Variants in EEF1A2 observed in about 807,000 individuals in gnomAD.
EEF1A2 encodes eukaryotic translation elongation factor 1 alpha 2.
A neutral mutation model predicts 39.3 loss-of-function variants in EEF1A2; 5 were observed. The observed-to-expected ratio is 0.13, with a 90% CI of 0.07 to 0.27. The LOEUF (loss-of-function observed/expected upper bound fraction) is 0.27. Among genes scored for constraint, EEF1A2 ranks in the 10% least tolerant of loss-of-function variants. EEF1A2 has a pLI of 1.00. For missense variants in EEF1A2, 218 were observed against 681.4 expected, an observed-to-expected ratio of 0.32 and a Z score of 7.57; for synonymous variants, 287 against 293.7, an observed-to-expected ratio of 0.98 and a Z score of 0.23.
Position 63,494,883 on chromosome 20 carries a change from G to A in EEF1A2, c.543C>T (p.Ile181=), listed in dbSNP as rs1057115359. ...AGGGCACGGTGGCCGGGTTGTAGCC[G>A]ATCTTCTTGATGTAGGCGCTGACTT... ...VKEVSAYIKK[I]GYNPATVPFV... is the part of the protein sequence containing the mutation. The change falls in exon 4 of 8, where the codon ATC becomes ATT. Residue 181 remains isoleucine, a synonymous_variant. Transcript: ENST00000217182. 1.8e-5 allele frequency: 29 copies of A among 1,612,622 alleles called. No homozygotes were observed. Among genetic ancestry groups the A allele is most frequent in the East Asian group, 4.5e-5 (2 of 44,880 alleles).
chr20:63,496,056 G>C (rs778762665), intron 2 of EEF1A2, 21 bp from the exon 3 acceptor site: 23 of 1,611,268 alleles, frequency 1.4e-5, no homozygotes, highest in Non-Finnish European at 1.8e-5. Flanking sequence ...TGAGGGTCAC[G>C]GCTGAGGGCG....
rs531285670 is a variant in EEF1A2, at chr20:63,494,659, G to C, written c.621+146C>G. On this transcript the variant is annotated intron_variant, in intron 4 of 7. Coordinates refer to ENST00000217182, the MANE Select transcript of EEF1A2 (RefSeq NM_001958.5). ...GGGCTCCCCGCCGGGCCCTGAGCCA[G>C]TTAGGGAAACCCAGCAGGTTTCGAG... 3,309 of 1,201,960 alleles carry C rather than the reference G, an allele frequency of 2.8e-3. 8 individuals carry two copies. Among genetic ancestry groups the C allele is most frequent in the South Asian group, 3.4e-3 (218 of 64,124 alleles). 74.5% of individuals were successfully genotyped at this position (1,201,960 alleles called of 1,614,324 possible). A position where few individuals can be genotyped will look rare whatever the true frequency, so the allele number is the denominator to read the frequency against.
Position 63,493,134 on chromosome 20 carries a change from C to T in EEF1A2, c.772+3G>A. ...GGAGCTCCAGCACAGCGCCCTTGCT[C>T]ACCGCCAATCTTGTACACGTCCTGC... On this transcript the variant is annotated splice_donor_region_variant and intron_variant, in intron 5 of 7. Transcript: ENST00000217182. 6.5e-7 allele frequency: 1 copy of T among 1,547,200 alleles called. No homozygotes were observed. Among genetic ancestry groups the T allele is most frequent in the African/African-American group, 1.4e-5 (1 of 72,996 alleles).
intron 5 of EEF1A2, among the ~76,000 whole-genome samples, chr20:63,491,640 G>A (rs1312242325): frequency 1.3e-5 from 2 of 151,890 alleles, no homozygotes; most frequent in Non-Finnish European, 2.9e-5. Flanking sequence ...ATGGATGGAC[G>A]GATGGATGGG....
intron 5 of EEF1A2, among the ~76,000 whole-genome samples, chr20:63,492,222 A>G (rs2082387175): frequency 1.5e-5 from 2 of 136,326 alleles, no homozygotes; most frequent in Non-Finnish European, 3.3e-5. Flanking sequence ...AAATGGATGG[A>G]TGGAAGGATG....
At chr20:63,495,148 G>A (rs1219630878) in intron 3 of EEF1A2, 47 bp from the exon 4 acceptor site, 5 of 1,585,740 alleles carry the variant, frequency 3.2e-6, no homozygotes, top group Non-Finnish European at 4.3e-6. Context: ...TGCCTGGCAG[G>A]GGACAGAGCG....
rs756386330 is a variant in EEF1A2 at position 63,489,052 on chromosome 20, T to C, written c.1130A>G (p.Glu377Gly). ...CTTGCCAGAGCGCCGGTCAATCTTC[T>C]CCTTCAGCTCCGCAAACTTGCAGGC... ...HIACKFAELK[E>G]KIDRRSGKKL... Residue 377 changes from glutamate (E) to glycine (G), a missense_variant, in exon 7 of 8, where the codon GAG becomes GGG. Physicochemically the swap from Glu to Gly is moderately conservative, Grantham distance 98 (BLOSUM62 -2). Coordinates refer to ENST00000217182, the MANE Select transcript of EEF1A2 (RefSeq NM_001958.5). The C allele has an allele frequency of 6.2e-7, 1 of 1,612,774 alleles. No individual in the cohort carries two copies. Among genetic ancestry groups the C allele is most frequent in the Non-Finnish European group, 8.5e-7 (1 of 1,179,932 alleles).
chr20:63,489,253 G>A (rs2082367393), intron 6 of EEF1A2, 101 bp from the exon 7 acceptor site: 10 of 1,192,776 alleles, frequency 8.4e-6, no homozygotes, highest in Admixed American at 2.3e-5. Context: ...GCCCCTGCAC[G>A]GGCTCCTGGG....
In EEF1A2 at chr20:63,495,844, T is replaced by G. The variant is rs1174668017; in HGVS notation, c.324+12A>C. Reference sequence around the variant, plus strand: ...GCCTCTCCCCCAGCCCCGCCTGCTGTGCCCTGCTCACCTGGGATGTACCCG... The same window carrying G: ...GCCTCTCCCCCAGCCCCGCCTGCTGGGCCCTGCTCACCTGGGATGTACCCG... On this transcript the variant is annotated intron_variant, in intron 3 of 7. Coordinates refer to ENST00000217182, the MANE Select transcript of EEF1A2 (RefSeq NM_001958.5). 2 of 1,612,228 alleles carry G rather than the reference T, an allele frequency of 1.2e-6. No individual in the cohort carries two copies. Among genetic ancestry groups the G allele is most frequent in the South Asian group, 2.2e-5 (2 of 91,048 alleles).
At chr20:63,491,256 G>A (rs1046616559) in intron 5 of EEF1A2, among the ~76,000 whole-genome samples, 16 of 152,206 alleles carry the variant, frequency 1.1e-4, no homozygotes, top group African/African-American at 3.9e-4. Context: ...GGATGCTGCA[G>A]GTCTCTATCA....
intron 6 of EEF1A2, 80 bp downstream of exon 6, chr20:63,490,399 T>C (rs2082373017): frequency 1.3e-6 from 2 of 1,525,344 alleles, no homozygotes; most frequent in African/African-American, 1.4e-5. Context: ...CCAGGCCACC[T>C]GCCGACAGCA....
At position 63,495,893 on chromosome 20, in the gene EEF1A2, C is replaced by T. The variant is rs1399681796; in HGVS notation, c.287G>A (p.Arg96His). The T allele has an allele frequency of 6.2e-7, 1 of 1,613,304 alleles. No homozygotes were observed. The highest frequency in any genetic ancestry group is 8.5e-7 in the Non-Finnish European group (1 of 1,179,896). ...YITIIDAPGH[R>H]DFIKNMITGT... ...CGTGATCATGTTCTTGATGAAGTCG[C>T]GGTGGCCGGGGGCATCGATGATGGT... Residue 96 changes from arginine (R) to histidine (H), a missense_variant, in exon 3 of 8, where the codon CGC (arginine) becomes CAC (histidine). This residue lies in a region of EEF1A2 where 28 missense variants were observed against 156.2 expected (regional missense o/e 0.18). Coordinates refer to ENST00000217182, the MANE Select transcript of EEF1A2 (RefSeq NM_001958.5).
intron 2 of EEF1A2, 92 bp from the exon 3 acceptor site, chr20:63,496,127 A>AGAGG: frequency 6.8e-7 from 1 of 1,462,498 alleles, no homozygotes; most frequent in Non-Finnish European, 9.3e-7. Context: ...AGTGGCCGCG[A>AGAGG]GAGGCGGGAG....
In EEF1A2 at chr20:63,497,956, G is replaced by C; in HGVS notation, c.-71-122C>G. On this transcript the variant is annotated intron_variant, in intron 1 of 7. Coordinates refer to ENST00000217182, the MANE Select transcript of EEF1A2 (RefSeq NM_001958.5). The surrounding 1 kb of genome is among the most constrained non-coding windows in gnomAD (Gnocchi z 7.3). ...GCCCACAAACCAAGCCCCCATGTTT[G>C]GTGGGGAGGGAAGGGCCCCCACCCA... is the stretch of plus-strand genomic sequence containing the variant. 2.7e-6 allele frequency: 2 copies of C among 733,386 alleles called. No individual in the cohort carries two copies. Among genetic ancestry groups the C allele is most frequent in the Non-Finnish European group, 4.2e-6 (2 of 481,502 alleles). The allele number at this position is 733,386 out of a possible 1,614,324, so 45.4% of individuals were successfully genotyped here.
rs1192344432 is a variant in EEF1A2, at chr20:63,498,957, G to T, written c.-72+101C>A. 1 of 149,352 alleles carries T rather than the reference G, an allele frequency of 6.7e-6. No homozygotes were observed. Among genetic ancestry groups the T allele is most frequent in the Non-Finnish European group, 1.5e-5 (1 of 67,136 alleles). The allele number at this position is 149,352 out of a possible 1,614,324, so 9.3% of individuals were successfully genotyped here. On this transcript the variant is annotated intron_variant, in intron 1 of 7. Transcript: ENST00000217182. The surrounding 1 kb of genome is among the most constrained non-coding windows in gnomAD (Gnocchi z 4.1). ...GGACTCCGGGCGCGCGCGGGGGCGGGTGCGGGGCCCGGCCACCCTCTGCCC... is the reference window on the plus strand; with the variant it reads ...GGACTCCGGGCGCGCGCGGGGGCGGTTGCGGGGCCCGGCCACCCTCTGCCC...
chr20:63,492,773 G>A lies in EEF1A2; in HGVS notation c.772+364C>T, dbSNP rs563733510. On this transcript the variant is annotated intron_variant, in intron 5 of 7. Transcript: ENST00000217182. ...GGACAGAAGGATGGATGGGTGGGGA[G>A]GTGGATAGATGGAGAGATGGAGGGA... Among the ~76,000 whole-genome samples the A allele has an allele frequency of 1.7e-3, 258 of 149,602 alleles. 2 individuals carry two copies. The highest frequency in any genetic ancestry group is 3.1e-3 in the Non-Finnish European group (208 of 67,334).
rs879935389 is a variant in EEF1A2 at position 63,497,909 on chromosome 20, C to T, written c.-71-75G>A. On this transcript the variant is annotated intron_variant, in intron 1 of 7. Coordinates refer to ENST00000217182, the MANE Select transcript of EEF1A2 (RefSeq NM_001958.5). This position sits in a 1 kb window ranked among gnomAD's most constrained non-coding sequence, Gnocchi z 7.3. ...GAGACACCAGCAGAGACTGTCCTGG[C>T]ACAGGCTGGACAGGCATCCCTGCCC... 99 of 1,153,084 alleles carry T rather than the reference C, an allele frequency of 8.6e-5. No individual in the cohort carries two copies. Among genetic ancestry groups the T allele is most frequent in the Admixed American group, 4.4e-4 (17 of 38,480 alleles). The allele number at this position is 1,153,084 out of a possible 1,614,324, so 71.4% of individuals were successfully genotyped here. A position where few individuals can be genotyped will look rare whatever the true frequency, so the allele number is the denominator to read the frequency against.
Position 63,497,769 on chromosome 20 carries a change from T to G in EEF1A2, c.-6A>C, listed in dbSNP as rs2082424963. On this transcript the variant is annotated 5_prime_UTR_variant, in exon 2 of 8. Transcript: ENST00000217182. The surrounding 1 kb of genome is among the most constrained non-coding windows in gnomAD (Gnocchi z 7.3). The stretch of plus-strand genomic sequence containing the variant: ...TGGGTCTTCTCCTTGCCCATTTTGC[T>G]GGGAGTGTGAGGGGCTGGCGGGACC... 1.2e-6 allele frequency: 2 copies of G among 1,610,966 alleles called. No individual in the cohort carries two copies. Among genetic ancestry groups the G allele is most frequent in the Admixed American group, 1.7e-5 (1 of 59,862 alleles).
chr20:63,495,923 T>C lies in EEF1A2; in HGVS notation c.257A>G (p.Tyr86Cys). Residue 86 changes from tyrosine to cysteine, a missense_variant, in exon 3 of 8, where the codon TAC becomes TGC. Tyr to Cys is a radical substitution (Grantham distance 194, BLOSUM62 -2). This residue lies in a region of EEF1A2 where 28 missense variants were observed against 156.2 expected (regional missense o/e 0.18). Coordinates refer to ENST00000217182, the MANE Select transcript of EEF1A2 (RefSeq NM_001958.5). ...GCCGGGGGCATCGATGATGGTGATG[T>C]AGTACTTGGTGGTCTCGAACTTCCA... ...SLWKFETTKYYITIIDAPGHR... is the reference protein window; with the variant it reads ...SLWKFETTKYCITIIDAPGHR... 1 of 1,613,370 alleles carries C rather than the reference T, an allele frequency of 6.2e-7. No homozygotes were observed. The highest frequency in any genetic ancestry group is 1.1e-5 in the South Asian group (1 of 91,084).
Sources: allele counts gnomAD v4.1 joint callset (sites outside exome capture counted in the v4.1 genomes callset), GRCh38; gene constraint gnomAD v4.1.1; regional missense constraint gnomAD v4.1.1; non-coding constraint Gnocchi (gnomAD v3.1); transcripts MANE v1.5; gene names NCBI Gene and HGNC (gene_info 2026-07-23, HGNC 2026-07-21).